The following ALG9 variants were observed in gnomAD, a reference collection of about 807,000 sequenced individuals.
ALG9 encodes alpha-1,2-mannosyltransferase ALG9.
In ALG9, 55 loss-of-function variants were observed where a neutral mutation model predicts 81.8. The observed-to-expected ratio is 0.67, with a 90% confidence interval of 0.54 to 0.84. The LOEUF is 0.84. Among genes scored for constraint, ALG9 ranks in the 40% least tolerant of loss-of-function variants. The pLI is 0.00. For synonymous variants in ALG9, 278 were observed against 274.3 expected (o/e 1.01, Z -0.13); for missense variants, 629 against 745.0 (o/e 0.84, Z 1.81).
intron 12 of ALG9, among the ~76,000 whole-genome samples, chr11:111,836,519 A>G (rs2136813645): frequency 6.6e-6 from 1 of 152,362 alleles, no homozygotes; most frequent in South Asian, 2.1e-4. Flanking sequence ...ACCAACTGTT[A>G]GCAGTGAAAT....
chr11:111,844,206 C>T (rs376426446), intron 9 of ALG9, among the ~76,000 whole-genome samples: 4 of 152,172 alleles, frequency 2.6e-5, no homozygotes, highest in Admixed American at 6.5e-5. Context: ...GGTTTCACCA[C>T]GTTGGCCAGG....
At chr11:111,768,834 T>C in the ALG9 span, 2 of 99,056 alleles carry the variant, frequency 2.0e-5, no homozygotes, top group Non-Finnish European at 4.3e-5. Flanking sequence ...GCTTCGTGTG[T>C]GTGTGTGCGT....
chr11:111,850,233 A>G (rs1048646994), intron 8 of ALG9, among the ~76,000 whole-genome samples: 1 of 152,214 alleles, frequency 6.6e-6, no homozygotes. Context: ...TGATTCTATG[A>G]TACAACTGTA....
chr11:111,831,735 T>G lies in ALG9; in HGVS notation c.1602+4430A>C, dbSNP rs1373233957. 5.3e-5 allele frequency among the ~76,000 whole-genome samples: 8 copies of G among 152,314 alleles called. No homozygotes were observed. In the South Asian group the frequency reaches 8.3e-4, roughly 16 times the overall value. Reference sequence around the variant, plus strand: ...TAAAATAAAAAGATCACAGACTACATTTTAAGTTCCCTTCTAAATCTATGA... The same window carrying G: ...TAAAATAAAAAGATCACAGACTACAGTTTAAGTTCCCTTCTAAATCTATGA... On this transcript the variant is annotated intron_variant, in intron 13 of 14. Coordinates refer to ENST00000616540, the MANE Select transcript of ALG9 (RefSeq NM_024740.2).
chr11:111,787,854 A>C (rs1282082488), intron 14 of ALG9, among the ~76,000 whole-genome samples: 1 of 152,202 alleles, frequency 6.6e-6, no homozygotes, highest in Admixed American at 6.5e-5. Flanking sequence ...CTATTTTATA[A>C]AAGGGAAATT....
In ALG9 at chr11:111,865,262, C is replaced by A; in HGVS notation, c.406-11G>T. 1.3e-6 allele frequency: 2 copies of A among 1,547,730 alleles called. 1 individual carries two copies. The highest frequency in any genetic ancestry group is 3.4e-4 in the Middle Eastern group (2 of 5,956). On this transcript the variant is annotated splice_polypyrimidine_tract_variant and intron_variant, in intron 3 of 14. Transcript: ENST00000616540. ...GTAAAACACAAGAATCTAAAAGAAACCCAGAAAAAGAAAACAGAAGTCACA... is the reference window on the plus strand; with the variant it reads ...GTAAAACACAAGAATCTAAAAGAAAACCAGAAAAAGAAAACAGAAGTCACA...
At chr11:111,854,522 C>T (rs1420222093) in intron 6 of ALG9, among the ~76,000 whole-genome samples, 4 of 152,034 alleles carry the variant, frequency 2.6e-5, no homozygotes, top group African/African-American at 7.2e-5. Flanking sequence ...CTGCCTGCAT[C>T]GCCCTCCCAA....
chr11:111,825,202 A>G (rs1478660611), intron 13 of ALG9, among the ~76,000 whole-genome samples: 1 of 152,194 alleles, frequency 6.6e-6, no homozygotes, highest in Admixed American at 6.5e-5. Context: ...GCCTCTCTTT[A>G]GCTCAAAAAG....
intron 13 of ALG9, among the ~76,000 whole-genome samples, chr11:111,825,974 G>C (rs1161078244): frequency 6.6e-6 from 1 of 151,656 alleles, no homozygotes; most frequent in Non-Finnish European, 1.5e-5. Context: ...GCTGAGACAG[G>C]AGAATCACTT....
chr11:111,804,478 C>T (rs1591902596), intron 14 of ALG9, among the ~76,000 whole-genome samples: 1 of 152,186 alleles, frequency 6.6e-6, no homozygotes, highest in East Asian at 1.9e-4. Context: ...GTAATCCGAG[C>T]GCTTTCGGGG....
chr11:111,863,795 T>A (rs989309098), intron 4 of ALG9, among the ~76,000 whole-genome samples: 3 of 151,956 alleles, frequency 2.0e-5, no homozygotes, highest in African/African-American at 2.4e-5. Context: ...ACACCGGGAG[T>A]AGTTTATTAT....
the ALG9 span, among the ~76,000 whole-genome samples, chr11:111,773,450 C>T: frequency 2.6e-5 from 4 of 151,728 alleles, no homozygotes; most frequent in South Asian, 2.1e-4. Flanking sequence ...TCACCATGTT[C>T]GCCAGGCTGC....
chr11:111,868,951 T>C (rs1260470404), intron 2 of ALG9, among the ~76,000 whole-genome samples: 1 of 147,476 alleles, frequency 6.8e-6, no homozygotes, highest in Non-Finnish European at 1.5e-5. Flanking sequence ...CAAAACCCCA[T>C]CTCTACCAAA....
chr11:111,864,695 GA>G (rs35016556), intron 4 of ALG9, among the ~76,000 whole-genome samples: 5 of 149,298 alleles, frequency 3.3e-5, no homozygotes, highest in Non-Finnish European at 7.4e-5. Flanking sequence ...AACTCAGTAT[GA>G]AAAAAAAAGT....
intron 8 of ALG9, among the ~76,000 whole-genome samples, chr11:111,853,166 A>G: frequency 6.6e-6 from 1 of 152,024 alleles, no homozygotes; most frequent in South Asian, 2.1e-4. Flanking sequence ...AAAAATAGAG[A>G]GCCAGTATTG....
chr11:111,786,013 G>A lies in ALG9; in HGVS notation c.*384C>T, dbSNP rs1946418226. ...TTGCTAGTTCTCAGATGCCAGGCCA[G>A]AGTGTGGAGAACAGCTTATCACAGC... is the stretch of plus-strand genomic sequence containing the variant. On this transcript the variant is annotated 3_prime_UTR_variant, in exon 15 of 15. Coordinates refer to ENST00000616540, the MANE Select transcript of ALG9 (RefSeq NM_024740.2). 2.2e-6 allele frequency: 1 copy of A among 457,156 alleles called. No homozygotes were observed. Among genetic ancestry groups the A allele is most frequent in the South Asian group, 1.5e-5 (1 of 64,572 alleles). The allele number at this position is 457,156 out of a possible 1,614,324, so 28.3% of individuals were successfully genotyped here. A position where few individuals can be genotyped will look rare whatever the true frequency, so the allele number is the denominator to read the frequency against.
chr11:111,838,772 T>A (rs1955743923), intron 10 of ALG9, among the ~76,000 whole-genome samples: 1 of 152,206 alleles, frequency 6.6e-6, no homozygotes, highest in Admixed American at 6.5e-5. Flanking sequence ...TCAAAGTTTT[T>A]ATCAAAGCTA....
In ALG9 at chr11:111,868,570, T is replaced by C. The variant is rs782075871; in HGVS notation, c.405+32A>G. 31 of 1,609,022 alleles carry C rather than the reference T, an allele frequency of 1.9e-5. No individual in the cohort carries two copies. In the Admixed American group the frequency reaches 4.0e-4, roughly 21 times the overall value. On this transcript the variant is annotated intron_variant, in intron 3 of 14. Transcript: ENST00000616540. ...TACCAGAGACTCACCTCTTGATCAATTGTGATTGCTTCCAGGTTGGTCTGC... is the reference window on the plus strand; with the variant it reads ...TACCAGAGACTCACCTCTTGATCAACTGTGATTGCTTCCAGGTTGGTCTGC...
intron 11 of ALG9, among the ~76,000 whole-genome samples, 187 bp downstream of exon 11, chr11:111,838,062 C>T (rs545776570): frequency 6.6e-6 from 1 of 152,282 alleles, no homozygotes; most frequent in East Asian, 1.9e-4. Context: ...AAAAGGAATT[C>T]TCAATCTTCT....
Sources: allele counts gnomAD v4.1 joint callset (sites outside exome capture counted in the v4.1 genomes callset), GRCh38; gene constraint gnomAD v4.1.1; transcripts MANE v1.5; gene names NCBI Gene and HGNC (gene_info 2026-07-23, HGNC 2026-07-21).